BLCAP: variants seen among roughly 807,000 people sequenced by gnomAD.
BLCAP encodes BLCAP apoptosis inducing factor.
In BLCAP, 1 loss-of-function variant was observed where a neutral mutation model predicts 5.7. That is an observed-to-expected ratio of 0.18 (90% CI 0.06 to 0.83). The LOEUF (loss-of-function observed/expected upper bound fraction) is 0.83. Ranked by LOEUF, BLCAP falls within the 40% of genes least tolerant of loss-of-function variation. The pLI is 0.71. For missense variants in BLCAP, 66 were observed against 107.6 expected, an observed-to-expected ratio of 0.61 and a Z score of 1.71; for synonymous variants, 48 against 49.4, an observed-to-expected ratio of 0.97 and a Z score of 0.11.
At chr20:37,522,731 G>C in intron 1 of BLCAP, 2 of 1,610,164 alleles carry the variant, frequency 1.2e-6, no homozygotes, top group Non-Finnish European at 1.7e-6. Flanking sequence ...CAGGTGTTGG[G>C]GGAGCGCAGG....
At position 37,521,180 on chromosome 20, in the gene BLCAP, A is replaced by T. The variant is rs994815134; in HGVS notation, c.-176-1830T>A. 1 of 736,590 alleles carries T rather than the reference A, an allele frequency of 1.4e-6. No homozygotes were observed. Among genetic ancestry groups the T allele is most frequent in the Non-Finnish European group, 2.4e-6 (1 of 421,720 alleles). 45.6% of individuals were successfully genotyped at this position (736,590 alleles called of 1,614,324 possible). A position where few individuals can be genotyped will look rare whatever the true frequency, so the allele number is the denominator to read the frequency against. The stretch of plus-strand genomic sequence containing the variant: ...CCCCCAGCCACCCCTCCTCATAAAC[A>T]CCCCCCAAGGCGCGCATGCGCACTT... On this transcript the variant is annotated intron_variant, in intron 1 of 1. Coordinates refer to ENST00000373537, the MANE Select transcript of BLCAP (RefSeq NM_006698.4). This position sits in a 1 kb window ranked among gnomAD's most constrained non-coding sequence, Gnocchi z 4.5.
Position 37,521,405 on chromosome 20 carries a change from T to C in BLCAP, c.-176-2055A>G. On this transcript the variant is annotated intron_variant, in intron 1 of 1. Transcript: ENST00000373537. The surrounding 1 kb of genome is among the most constrained non-coding windows in gnomAD (Gnocchi z 4.5). ...TACATCTTCCGCGTGCTGCTGCAGG[T>C]AAGTCTGACGGGGTTTCGGGTGGGA... 1.2e-6 allele frequency: 2 copies of C among 1,614,070 alleles called. No individual in the cohort carries two copies. Among genetic ancestry groups the C allele is most frequent in the Non-Finnish European group, 1.7e-6 (2 of 1,179,942 alleles).
Position 37,519,103 on chromosome 20 carries a change from G to A in BLCAP, c.72C>T (p.Ser24=). 1 of 1,613,496 alleles carries A rather than the reference G, an allele frequency of 6.2e-7. No homozygotes were observed. The highest frequency in any genetic ancestry group is 8.5e-7 in the Non-Finnish European group (1 of 1,179,794). The change falls in exon 2 of 2, where the codon AGC becomes AGT. Residue 24 remains serine, a synonymous_variant. Transcript: ENST00000373537. ...PKPLNPALWF[S]HSMFMGFYLL... Reference sequence around the variant, plus strand: ...GGTAGAAGCCCATGAACATGGAGTGGCTGAACCACAGGGCGGGGTTGAGGG... The same window carrying A: ...GGTAGAAGCCCATGAACATGGAGTGACTGAACCACAGGGCGGGGTTGAGGG...
At chr20:37,522,732 G>A (rs1601094935) in intron 1 of BLCAP, 2 of 1,610,000 alleles carry the variant, frequency 1.2e-6, no homozygotes, top group Non-Finnish European at 1.7e-6. Context: ...AGGTGTTGGG[G>A]GAGCGCAGGC....
At position 37,521,710 on chromosome 20, in the gene BLCAP, C is replaced by T. The variant is rs2071582051; in HGVS notation, c.-176-2360G>A. On this transcript the variant is annotated intron_variant, in intron 1 of 1. Coordinates refer to ENST00000373537, the MANE Select transcript of BLCAP (RefSeq NM_006698.4). The surrounding 1 kb of genome is among the most constrained non-coding windows in gnomAD (Gnocchi z 4.5). ...CGCGGTAAGAAAAACCCGCTACACC[C>T]GGACTCGACCCCAGGAGGGAGGCGG... 2 of 347,756 alleles carry T rather than the reference C, an allele frequency of 5.8e-6. No homozygotes were observed. Among genetic ancestry groups the T allele is most frequent in the Admixed American group, 4.5e-5 (1 of 22,158 alleles). The allele number at this position is 347,756 out of a possible 1,614,324, so 21.5% of individuals were successfully genotyped here. A position where few individuals can be genotyped will look rare whatever the true frequency, so the allele number is the denominator to read the frequency against.
Position 37,521,240 on chromosome 20 carries a change from C to A in BLCAP, c.-176-1890G>T, listed in dbSNP as rs1023797031. ...GCGGGTACTTAAGGCGCGGCCACCG[C>A]GGCTGCGGCAGTGCGCCCAACAGCG... On this transcript the variant is annotated intron_variant, in intron 1 of 1. Transcript: ENST00000373537. This position sits in a 1 kb window ranked among gnomAD's most constrained non-coding sequence, Gnocchi z 4.5. 4 of 1,360,462 alleles carry A rather than the reference C, an allele frequency of 2.9e-6. No individual in the cohort carries two copies. The highest frequency in any genetic ancestry group is 1.7e-5 in the Admixed American group (1 of 58,966). 84.3% of individuals were successfully genotyped at this position (1,360,462 alleles called of 1,614,324 possible).
rs1295042525 is a variant in BLCAP, at chr20:37,521,762, A to G, written c.-176-2412T>C. 5.0e-5 allele frequency: 10 copies of G among 198,570 alleles called. No homozygotes were observed. Among genetic ancestry groups the G allele is most frequent in the Non-Finnish European group, 1.0e-5 (1 of 98,900 alleles). The allele number at this position is 198,570 out of a possible 1,614,324, so 12.3% of individuals were successfully genotyped here. A position where few individuals can be genotyped will look rare whatever the true frequency, so the allele number is the denominator to read the frequency against. The stretch of plus-strand genomic sequence containing the variant: ...GCACTACTGTGTTGAAAGACTTTAC[A>G]GCTCGCAGAGTGAAAATTTTCCACC... On this transcript the variant is annotated intron_variant, in intron 1 of 1. Transcript: ENST00000373537. This position sits in a 1 kb window ranked among gnomAD's most constrained non-coding sequence, Gnocchi z 4.5.
At chr20:37,527,310 A>T (rs1428656199) in intron 1 of BLCAP, among the ~76,000 whole-genome samples, 3 of 152,032 alleles carry the variant, frequency 2.0e-5, no homozygotes. Flanking sequence ...CAGACACCGA[A>T]GCGGAGCCTC....
intron 1 of BLCAP, among the ~76,000 whole-genome samples, chr20:37,525,241 G>A (rs372074908): frequency 4.6e-5 from 7 of 152,232 alleles, no homozygotes; most frequent in African/African-American, 4.8e-5. Flanking sequence ...CCCTCCCTTC[G>A]GAGCTTTTGA....
rs972607411 is a variant in BLCAP, at chr20:37,521,553, G to A, written c.-176-2203C>T. 9 of 758,862 alleles carry A rather than the reference G, an allele frequency of 1.2e-5. 1 individual carries two copies. The highest frequency in any genetic ancestry group is 3.3e-5 in the South Asian group (2 of 61,266). The allele number at this position is 758,862 out of a possible 1,614,324, so 47.0% of individuals were successfully genotyped here. The stretch of plus-strand genomic sequence containing the variant: ...CCAAGTGCCGCTGCCGGCACCGCGC[G>A]CCCCCTGCCCATTCCCTGCGCCGTC... On this transcript the variant is annotated intron_variant, in intron 1 of 1. Coordinates refer to ENST00000373537, the MANE Select transcript of BLCAP (RefSeq NM_006698.4). The surrounding 1 kb of genome is among the most constrained non-coding windows in gnomAD (Gnocchi z 4.5).
intron 1 of BLCAP, chr20:37,520,547 G>A (rs1421870241): frequency 6.6e-6 from 1 of 152,294 alleles, no homozygotes; most frequent in Non-Finnish European, 1.5e-5. Context: ...TTCCTTCCGT[G>A]CATACGAAGG....
chr20:37,517,501 G>GT lies in BLCAP; in HGVS notation c.*1409dup, dbSNP rs1232968816. The GT allele has an allele frequency of 4.6e-5, 7 of 152,580 alleles. No individual in the cohort carries two copies. The highest frequency in any genetic ancestry group is 1.4e-4 in the African/African-American group (6 of 41,434). The allele number at this position is 152,580 out of a possible 1,614,324, so 9.5% of individuals were successfully genotyped here. ...AAAGCTCTAGAATAGCAGTCCAGAC[G>GT]TTTCACAAGTATGGCCTCACAGTCC... is the stretch of plus-strand genomic sequence containing the variant. On this transcript the variant is annotated 3_prime_UTR_variant, in exon 2 of 2. Coordinates refer to ENST00000373537, the MANE Select transcript of BLCAP (RefSeq NM_006698.4).
At chr20:37,519,404 C>CAAAAAAAAAAAAAAAAAAAAAAAAAAAAA (rs543149253) in intron 1 of BLCAP, 54 bp from the exon 2 acceptor site, 4 of 42,956 alleles carry the variant, frequency 9.3e-5, no homozygotes, top group South Asian at 1.0e-3. Flanking sequence ...GACAGACAGA[C>CAAAAAAAAAAAAAAAAAAAAAAAAAAAAA]AAAAAAAAAA....
chr20:37,522,519 C>G, intron 1 of BLCAP: 2 of 1,381,298 alleles, frequency 1.4e-6, no homozygotes, highest in Middle Eastern at 2.7e-4. Flanking sequence ...TGCCCTGACT[C>G]GTGGACAAGC....
chr20:37,518,634 ATG>A lies in BLCAP; in HGVS notation c.*275_*276del. The A allele has an allele frequency of 2.2e-6, 1 of 450,740 alleles. No homozygotes were observed. The highest frequency in any genetic ancestry group is 3.7e-5 in the Admixed American group (1 of 26,670). 27.9% of individuals were successfully genotyped at this position (450,740 alleles called of 1,614,324 possible). ...GGATGGACCCAGACTCCTCACAGTAATGAGGCGAGAGGGGTGGTCATGCGGCC... is the reference window on the plus strand; with the variant it reads ...GGATGGACCCAGACTCCTCACAGTAAAGGCGAGAGGGGTGGTCATGCGGCC... On this transcript the variant is annotated 3_prime_UTR_variant, in exon 2 of 2. Transcript: ENST00000373537.
chr20:37,519,761 G>A (rs545814099), intron 1 of BLCAP, among the ~76,000 whole-genome samples: 28 of 152,348 alleles, frequency 1.8e-4, no homozygotes, highest in African/African-American at 6.5e-4. Flanking sequence ...ACGACCAAGG[G>A]CTCCCTGCTG....
chr20:37,522,839 C>A (rs2071635256), intron 1 of BLCAP: 3 of 1,342,606 alleles, frequency 2.2e-6, no homozygotes, highest in Non-Finnish European at 3.0e-6. Context: ...CAGTGCCGCG[C>A]AGGAATGTGG....
chr20:37,522,476 T>C (rs2147190749), intron 1 of BLCAP: 1 of 1,580,514 alleles, frequency 6.3e-7, no homozygotes, highest in Non-Finnish European at 8.7e-7. Flanking sequence ...CTTGCCGCCA[T>C]GCAGCTCTCA....
At chr20:37,525,461 T>C (rs1421688760) in intron 1 of BLCAP, among the ~76,000 whole-genome samples, 2 of 152,180 alleles carry the variant, frequency 1.3e-5, no homozygotes, top group African/African-American at 4.8e-5. Flanking sequence ...TTTTCCTCCA[T>C]CCGTCCATCA....
Sources: allele counts gnomAD v4.1 joint callset (sites outside exome capture counted in the v4.1 genomes callset), GRCh38; gene constraint gnomAD v4.1.1; non-coding constraint Gnocchi (gnomAD v3.1); transcripts MANE v1.5; gene names NCBI Gene and HGNC (gene_info 2026-07-23, HGNC 2026-07-21).